MATN1: variants seen among roughly 807,000 people sequenced by gnomAD.
The protein encoded by MATN1 is matrilin 1.
In MATN1, 34 loss-of-function variants were observed where a neutral mutation model predicts 41.3. That is an observed-to-expected ratio of 0.82 (90% confidence interval 0.63 to 1.10). The LOEUF (loss-of-function observed/expected upper bound fraction) is 1.10. MATN1 is among the 50% of genes least tolerant of loss of function. The pLI, the probability that MATN1 is intolerant of heterozygous loss-of-function variation, is 0.00. For missense variants in MATN1, 602 were observed against 662.4 expected (o/e 0.91, Z 1.00); for synonymous variants, 264 against 278.7 (o/e 0.95, Z 0.53).
intron 2 of MATN1, chr1:30,719,934 T>TA (rs1639676672): frequency 6.6e-6 from 1 of 152,450 alleles, no homozygotes; most frequent in South Asian, 2.1e-4. Context: ...TCTTCAACTG[T>TA]AAAAAGGGTT....
At chr1:30,721,878 A>G in intron 1 of MATN1, 127 bp from the exon 2 acceptor site, 1 of 684,972 alleles carries the variant, frequency 1.5e-6, no homozygotes, top group South Asian at 1.8e-5. Flanking sequence ...TGCAAACTTC[A>G]GCTGGGCAGC....
chr1:30,715,055 T>A, intron 6 of MATN1, 102 bp downstream of exon 6: 1 of 1,426,850 alleles, frequency 7.0e-7, no homozygotes, highest in Non-Finnish European at 9.6e-7. Context: ...TGGTGCCACC[T>A]CGGCCCCTGC....
Position 30,716,965 on chromosome 1 carries a change from A to G in MATN1, c.665-50T>C, listed in dbSNP as rs201614663. The G allele has an allele frequency of 5.1e-6, 8 of 1,554,852 alleles. No individual in the cohort carries two copies. In the African/African-American group the frequency reaches 5.4e-5, roughly 11 times the overall value. ...ATCTCACAGTCATAGTGCCTTGGGCACTACAGACAGGTTGTCCCTCCCTGA... is the reference window on the plus strand; with the variant it reads ...ATCTCACAGTCATAGTGCCTTGGGCGCTACAGACAGGTTGTCCCTCCCTGA... On this transcript the variant is annotated intron_variant, in intron 3 of 7. Transcript: ENST00000373765.
chr1:30,716,130 A>T lies in MATN1; in HGVS notation c.986T>A (p.Leu329Gln), dbSNP rs1639615778. ...YSSSVRQEFP[L>Q]GRFHTKKDIK... Reference sequence around the variant, plus strand: ...GTCCTTCTTGGTGTGGAAGCGACCCAGGGGGAACTCCTGGCGCACAGAGCT... The same window carrying T: ...GTCCTTCTTGGTGTGGAAGCGACCCTGGGGGAACTCCTGGCGCACAGAGCT... Residue 329 changes from leucine (L) to glutamine (Q), a missense_variant, in exon 5 of 8, where the codon CTG (leucine) becomes CAG (glutamine). Leu to Gln is a moderately radical substitution (Grantham distance 113). Transcript: ENST00000373765. 1 of 1,614,062 alleles carries T rather than the reference A, an allele frequency of 6.2e-7. No homozygotes were observed. Among genetic ancestry groups the T allele is most frequent in the Non-Finnish European group, 8.5e-7 (1 of 1,179,998 alleles).
chr1:30,722,950 C>T (rs1403931310), intron 1 of MATN1, among the ~76,000 whole-genome samples: 1 of 152,198 alleles, frequency 6.6e-6, no homozygotes, highest in African/African-American at 2.4e-5. Context: ...GGCGCTATCT[C>T]ACTGTGTGGT....
chr1:30,719,710 T>G (rs1009732015), intron 2 of MATN1: 1 of 153,246 alleles, frequency 6.5e-6, no homozygotes, highest in Non-Finnish European at 1.5e-5. Flanking sequence ...GCACCCGCCC[T>G]GAGGCTAGGG....
At chr1:30,716,517 G>A (rs1222882773) in intron 4 of MATN1, among the ~76,000 whole-genome samples, 192 bp from the exon 5 acceptor site, 1 of 152,218 alleles carries the variant, frequency 6.6e-6, no homozygotes, top group Non-Finnish European at 1.5e-5. Context: ...CAATAGCTGT[G>A]AGATCACACA....
At chr1:30,718,684 C>T in intron 3 of MATN1, 51 bp downstream of exon 3, 1 of 1,418,006 alleles carries the variant, frequency 7.1e-7, no homozygotes, top group Non-Finnish European at 9.4e-7. Flanking sequence ...CGCCCCGCCG[C>T]TCTCCCCTTC....
At chr1:30,717,699 G>A (rs1158099826) in intron 3 of MATN1, among the ~76,000 whole-genome samples, 2 of 140,346 alleles carry the variant, frequency 1.4e-5, no homozygotes, top group African/African-American at 5.6e-5. Flanking sequence ...CTGTCGCCCA[G>A]GCTGGAGTGC....
In MATN1 at chr1:30,716,333, G is replaced by T; in HGVS notation, c.791-8C>A. ...CACCACCACCACTGCAGACTGTGGAGGACAGGAAGGCAACGGGCTGAAGCT... is the reference window on the plus strand; with the variant it reads ...CACCACCACCACTGCAGACTGTGGATGACAGGAAGGCAACGGGCTGAAGCT... On this transcript the variant is annotated splice_region_variant and splice_polypyrimidine_tract_variant and intron_variant, in intron 4 of 7. Transcript: ENST00000373765. The T allele has an allele frequency of 6.2e-7, 1 of 1,610,306 alleles. No homozygotes were observed. The highest frequency in any genetic ancestry group is 1.1e-5 in the South Asian group (1 of 90,936).
Position 30,716,933 on chromosome 1 carries a change from A to T in MATN1, c.665-18T>A. ...TGACACCACTGCGGGGACAATAAGT[A>T]GCTCAGATCTCACAGTCATAGTGCC... is the stretch of plus-strand genomic sequence containing the variant. On this transcript the variant is annotated intron_variant, in intron 3 of 7. Transcript: ENST00000373765. The T allele has an allele frequency of 6.2e-7, 1 of 1,606,762 alleles. No individual in the cohort carries two copies. The highest frequency in any genetic ancestry group is 8.5e-7 in the Non-Finnish European group (1 of 1,176,246).
At position 30,721,612 on chromosome 1, in the gene MATN1, G is replaced by A; in HGVS notation, c.234C>T (p.Thr78=). The stretch of plus-strand genomic sequence containing the variant: ...TGGCATAGTTGACCATGCCCACCCG[G>A]GTGGCATTGGGCCCCACGTCCAGCG... The part of the protein sequence containing the change: ...IESLDVGPNA[T]RVGMVNYAST... The change falls in exon 2 of 8, where the codon ACC becomes ACT. Residue 78 remains threonine (T), a synonymous_variant. Coordinates refer to ENST00000373765, the MANE Select transcript of MATN1 (RefSeq NM_002379.3). 1 of 1,613,518 alleles carries A rather than the reference G, an allele frequency of 6.2e-7. No individual in the cohort carries two copies. The highest frequency in any genetic ancestry group is 2.2e-5 in the East Asian group (1 of 44,884).
In MATN1 at chr1:30,711,419, G is replaced by GATTAA. The variant is rs1639542244; in HGVS notation, c.*2162_*2163insTTAAT. 2.6e-5 allele frequency: 4 copies of GATTAA among 152,198 alleles called. No individual in the cohort carries two copies. The highest frequency in any genetic ancestry group is 5.9e-5 in the Non-Finnish European group (4 of 68,032). The allele number at this position is 152,198 out of a possible 1,614,324, so 9.4% of individuals were successfully genotyped here. ...CAACCTTCTGTTAATCAAACCTAGA[G>GATTAA]CAGAGAGGGATGTGGGAAGTCCATG... On this transcript the variant is annotated 3_prime_UTR_variant, in exon 8 of 8. Transcript: ENST00000373765.
In MATN1 at chr1:30,713,368, G is replaced by T. The variant is rs1382003916; in HGVS notation, c.*214C>A. ...CTGGCAAGACTCATGCCCACCCTCA[G>T]GCGCACGTGCACACACACACACACA... is the stretch of plus-strand genomic sequence containing the variant. On this transcript the variant is annotated 3_prime_UTR_variant, in exon 8 of 8. Coordinates refer to ENST00000373765, the MANE Select transcript of MATN1 (RefSeq NM_002379.3). The T allele has an allele frequency of 8.7e-6, 5 of 572,626 alleles. No homozygotes were observed. In the Admixed American group the frequency reaches 1.4e-4, roughly 16 times the overall value. The allele number at this position is 572,626 out of a possible 1,614,324, so 35.5% of individuals were successfully genotyped here. A position where few individuals can be genotyped will look rare whatever the true frequency, so the allele number is the denominator to read the frequency against.
In MATN1 at chr1:30,713,392, C is replaced by A; in HGVS notation, c.*190G>T. On this transcript the variant is annotated 3_prime_UTR_variant, in exon 8 of 8. Transcript: ENST00000373765. ...AGGCGCACGTGCACACACACACACA[C>A]ACACACACATGCACACATACACACA... 1.6e-6 allele frequency: 1 copy of A among 626,974 alleles called. No individual in the cohort carries two copies. Among genetic ancestry groups the A allele is most frequent in the East Asian group, 2.8e-5 (1 of 36,198 alleles). 38.8% of individuals were successfully genotyped at this position (626,974 alleles called of 1,614,324 possible). A position where few individuals can be genotyped will look rare whatever the true frequency, so the allele number is the denominator to read the frequency against.
At chr1:30,715,400 C>A in intron 5 of MATN1, 91 bp from the exon 6 acceptor site, 1 of 1,243,370 alleles carries the variant, frequency 8.0e-7, no homozygotes. Flanking sequence ...CAGCCAACAC[C>A]AGACACCTCC....
At chr1:30,715,888 G>A in intron 5 of MATN1, 21 bp downstream of exon 5, 1 of 1,602,266 alleles carries the variant, frequency 6.2e-7, no homozygotes, top group Non-Finnish European at 8.5e-7. Context: ...GGTGTCCAGG[G>A]TCCAGGCAGG....
At chr1:30,721,345 T>G (rs765456957) in intron 2 of MATN1, 60 bp downstream of exon 2, 2 of 1,482,282 alleles carry the variant, frequency 1.3e-6, no homozygotes, top group Non-Finnish European at 1.8e-6. Context: ...CAGGCAAAGC[T>G]CATAACTCCG....
intron 3 of MATN1, among the ~76,000 whole-genome samples, chr1:30,717,798 G>A (rs1639639120): frequency 6.6e-6 from 1 of 152,096 alleles, no homozygotes; most frequent in African/African-American, 2.4e-5. Flanking sequence ...GGGACTACAG[G>A]CGCCCGCAAC....
Sources: allele counts gnomAD v4.1 joint callset (sites outside exome capture counted in the v4.1 genomes callset), GRCh38; gene constraint gnomAD v4.1.1; transcripts MANE v1.5; gene names NCBI Gene and HGNC (gene_info 2026-07-23, HGNC 2026-07-21).